The following MALRD1 variants were observed in gnomAD, a reference collection of about 807,000 sequenced individuals.
MALRD1 encodes MAM and LDL receptor class A domain containing 1.
A neutral mutation model predicts 242.1 loss-of-function variants in MALRD1; 247 were observed. The observed-to-expected ratio is 1.02, with a 90% CI of 0.92 to 1.13. MALRD1 has a LOEUF of 1.13. MALRD1 is among the 50% of genes most tolerant of loss of function. The pLI is 0.00. For missense variants in MALRD1, 2,989 were observed against 2,533.1 expected, an observed-to-expected ratio of 1.18 and a Z score of -3.86; for synonymous variants, 995 against 866.6, an observed-to-expected ratio of 1.15 and a Z score of -2.60.
At chr10:19,096,714 G>C (rs767416722) in intron 4 of MALRD1, among the ~76,000 whole-genome samples, 2 of 152,174 alleles carry the variant, frequency 1.3e-5, no homozygotes, top group African/African-American at 2.4e-5. Context: ...GCTGCCTCAA[G>C]AACTTACAAG....
At position 19,491,446 on chromosome 10, in the gene MALRD1, C is replaced by T. The variant is rs1286917080; in HGVS notation, c.5030-71C>T. On this transcript the variant is annotated intron_variant, in intron 29 of 39. Coordinates refer to ENST00000454679, the MANE Select transcript of MALRD1 (RefSeq NM_001142308.3). Reference sequence around the variant, plus strand: ...TTACTAGTGTGAAATCTATAAAATACCTAACAGGAATCTTCAAGTCTAATG... The same window carrying T: ...TTACTAGTGTGAAATCTATAAAATATCTAACAGGAATCTTCAAGTCTAATG... 14 of 1,500,522 alleles carry T rather than the reference C, an allele frequency of 9.3e-6. No homozygotes were observed. In the South Asian group the frequency reaches 1.6e-4, roughly 17 times the overall value. 93.0% of individuals were successfully genotyped at this position (1,500,522 alleles called of 1,614,324 possible).
chr10:19,279,092 T>G (rs1186909170), intron 19 of MALRD1, among the ~76,000 whole-genome samples: 1 of 152,136 alleles, frequency 6.6e-6, no homozygotes, highest in South Asian at 2.1e-4. Context: ...CAGTCGTCCA[T>G]GCACAGAGGA....
intron 21 of MALRD1, among the ~76,000 whole-genome samples, chr10:19,320,504 T>A (rs1185747830): frequency 1.3e-5 from 2 of 152,192 alleles, no homozygotes; most frequent in African/African-American, 2.4e-5. Context: ...AAATCTTTGC[T>A]ATTATAAGTA....
At chr10:19,098,390 AAGAAT>A (rs1441894836) in intron 4 of MALRD1, among the ~76,000 whole-genome samples, 1 of 152,168 alleles carries the variant, frequency 6.6e-6, no homozygotes, top group Non-Finnish European at 1.5e-5. Context: ...CCTATTTAGA[AAGAAT>A]AGAATTTATT....
intron 38 of MALRD1, among the ~76,000 whole-genome samples, chr10:19,717,781 C>T (rs889727791): frequency 6.6e-6 from 1 of 151,830 alleles, no homozygotes; most frequent in Non-Finnish European, 1.5e-5. Flanking sequence ...CTTTGGTAGG[C>T]CAAGACTGGT....
chr10:19,311,710 GA>G (rs756975425), intron 21 of MALRD1, among the ~76,000 whole-genome samples: 6 of 151,370 alleles, frequency 4.0e-5, no homozygotes, highest in Non-Finnish European at 8.9e-5. Flanking sequence ...TATGAAGTGG[GA>G]AAATATGCTC....
At chr10:19,530,362 TATAAA>T (rs1210459994) in intron 31 of MALRD1, among the ~76,000 whole-genome samples, 1 of 107,964 alleles carries the variant, frequency 9.3e-6, no homozygotes, top group Non-Finnish European at 1.6e-5. Context: ...ATAATATTTA[TATAAA>T]TATTTATATA....
intron 28 of MALRD1, among the ~76,000 whole-genome samples, chr10:19,398,558 G>A (rs763186085): frequency 1.2e-4 from 19 of 152,058 alleles, no homozygotes; most frequent in Admixed American, 3.9e-4. Context: ...TAATACCTGT[G>A]ATCTGTTGCC....
In MALRD1 at chr10:19,466,277, C is replaced by T. The variant is rs576891631; in HGVS notation, c.5029+15787C>T. Among the ~76,000 whole-genome samples, 75 of 152,116 alleles carry T rather than the reference C, an allele frequency of 4.9e-4. 1 individual carries two copies. Among genetic ancestry groups the T allele is most frequent in the Non-Finnish European group, 9.3e-4 (63 of 67,992 alleles). ...TGTTTTTCTTGATTTTCATTGTCTTCGCATATTGTTCCTAGTAATTTTGAT... is the reference window on the plus strand; with the variant it reads ...TGTTTTTCTTGATTTTCATTGTCTTTGCATATTGTTCCTAGTAATTTTGAT... On this transcript the variant is annotated intron_variant, in intron 29 of 39. Transcript: ENST00000454679.
intron 7 of MALRD1, 26 bp downstream of exon 7, chr10:19,124,696 T>A: frequency 8.1e-7 from 1 of 1,232,546 alleles, no homozygotes; most frequent in Non-Finnish European, 1.0e-6. Context: ...ATATCTTTTA[T>A]GTATTACTTT....
intron 33 of MALRD1, among the ~76,000 whole-genome samples, chr10:19,589,760 T>C (rs1837663331): frequency 6.6e-6 from 1 of 152,230 alleles, no homozygotes; most frequent in Non-Finnish European, 1.5e-5. Flanking sequence ...TGAGTGCCCA[T>C]CTACATTTCT....
chr10:19,706,590 G>C (rs575331411), intron 38 of MALRD1, among the ~76,000 whole-genome samples: 2 of 152,078 alleles, frequency 1.3e-5, no homozygotes, highest in African/African-American at 4.8e-5. Context: ...GACCTCAGGT[G>C]ATCTGCCCAC....
intron 21 of MALRD1, among the ~76,000 whole-genome samples, chr10:19,295,155 C>T (rs1266375876): frequency 1.3e-5 from 2 of 151,864 alleles, no homozygotes; most frequent in African/African-American, 4.8e-5. Context: ...ACATCATGTA[C>T]TGAAAGGAAA....
intron 23 of MALRD1, 89 bp downstream of exon 23, chr10:19,327,762 C>G: frequency 1.9e-6 from 2 of 1,053,342 alleles, no homozygotes. Context: ...AGTCTTCTTG[C>G]CCCCATTCCC....
intron 31 of MALRD1, among the ~76,000 whole-genome samples, chr10:19,528,437 AC>A: frequency 6.6e-6 from 1 of 152,180 alleles, no homozygotes; most frequent in East Asian, 1.9e-4. Flanking sequence ...TACCAAAAAT[AC>A]AAAAATTAGC....
chr10:19,183,823 T>C (rs1835624933), intron 14 of MALRD1, among the ~76,000 whole-genome samples: 1 of 152,234 alleles, frequency 6.6e-6, no homozygotes, highest in African/African-American at 2.4e-5. Context: ...TTGGATGATT[T>C]AATCAAATGT....
intron 33 of MALRD1, among the ~76,000 whole-genome samples, chr10:19,583,832 T>C (rs1288480357): frequency 1.3e-5 from 2 of 152,138 alleles, no homozygotes; most frequent in Non-Finnish European, 2.9e-5. Context: ...TGGTAGAATT[T>C]GGCTGTGAAT....
intron 21 of MALRD1, among the ~76,000 whole-genome samples, chr10:19,319,134 C>T (rs1485086919): frequency 6.6e-6 from 1 of 151,938 alleles, no homozygotes; most frequent in Non-Finnish European, 1.5e-5. Context: ...TTATGATAAA[C>T]AGAAATCCTT....
rs947694405 is a variant in MALRD1 at position 19,124,635 on chromosome 10, C to A, written c.908C>A (p.Ser303Tyr). Reference sequence around the variant, plus strand: ...GCGAGAGAGATCCCTGCATTCGAATCCACACCTCAGCAGGATCAAGGAGGT... The same window carrying A: ...GCGAGAGAGATCCCTGCATTCGAATACACACCTCAGCAGGATCAAGGAGGT... ...TKAREIPAFESTPQQDQGGDD... is the reference protein window; with the variant it reads ...TKAREIPAFEYTPQQDQGGDD... The change falls in exon 7 of 40, where the codon TCC becomes TAC. Residue 303 changes from serine (S) to tyrosine (Y), a missense_variant. By Grantham distance (144) the Ser-to-Tyr change is moderately radical. Coordinates refer to ENST00000454679, the MANE Select transcript of MALRD1 (RefSeq NM_001142308.3). The A allele has an allele frequency of 6.5e-6, 8 of 1,233,576 alleles. No individual in the cohort carries two copies. Among genetic ancestry groups the A allele is most frequent in the South Asian group, 4.1e-5 (1 of 24,408 alleles). The allele number at this position is 1,233,576 out of a possible 1,614,324, so 76.4% of individuals were successfully genotyped here. A position where few individuals can be genotyped will look rare whatever the true frequency, so the allele number is the denominator to read the frequency against.
Sources: allele counts gnomAD v4.1 joint callset (sites outside exome capture counted in the v4.1 genomes callset), GRCh38; gene constraint gnomAD v4.1.1; transcripts MANE v1.5; gene names NCBI Gene and HGNC (gene_info 2026-07-23, HGNC 2026-07-21).